Variants in ATP8B4 observed in about 807,000 individuals in gnomAD.
ATP8B4 encodes probable phospholipid-transporting ATPase IM.
In ATP8B4, 133 loss-of-function variants were observed where a neutral mutation model predicts 145.6. That is an observed-to-expected ratio of 0.91 (90% CI 0.79 to 1.05). The LOEUF is 1.05. ATP8B4 is among the 50% of genes least tolerant of loss of function. The probability of loss-of-function intolerance (pLI) is 0.00; values close to 1 mark genes in which losing one functional copy is unlikely to be tolerated. For synonymous variants in ATP8B4, 507 were observed against 492.9 expected (o/e 1.03, Z -0.38); for missense variants, 1,458 against 1,425.2 (o/e 1.02, Z -0.37).
At chr15:49,997,089 G>A (rs1315350392) in intron 8 of ATP8B4, among the ~76,000 whole-genome samples, 2 of 152,100 alleles carry the variant, frequency 1.3e-5, no homozygotes, top group African/African-American at 4.8e-5. Context: ...TTCAGAATTG[G>A]AACACAGTTG....
At chr15:50,104,682 A>G (rs2056571064) in intron 2 of ATP8B4, among the ~76,000 whole-genome samples, 1 of 152,146 alleles carries the variant, frequency 6.6e-6, no homozygotes, top group African/African-American at 2.4e-5. Flanking sequence ...CTGAAGAACT[A>G]AAAGTAGATC....
At chr15:49,997,764 A>G (rs748125553) in intron 8 of ATP8B4, among the ~76,000 whole-genome samples, 3 of 152,142 alleles carry the variant, frequency 2.0e-5, no homozygotes, top group Non-Finnish European at 2.9e-5. Context: ...GTAGGACAAT[A>G]TGAGTCCAAC....
chr15:50,174,164 A>G (rs1193433281), intron 1 of ATP8B4, among the ~76,000 whole-genome samples: 5 of 152,224 alleles, frequency 3.3e-5, no homozygotes, highest in Non-Finnish European at 7.3e-5. Context: ...AAAGCCATCT[A>G]TGACAAACCC....
At chr15:49,890,049 C>T (rs903046566) in intron 23 of ATP8B4, among the ~76,000 whole-genome samples, 5 of 152,132 alleles carry the variant, frequency 3.3e-5, no homozygotes, top group African/African-American at 1.2e-4. Context: ...TGGGATTTTT[C>T]AACATTTGTT....
At position 49,916,193 on chromosome 15, in the gene ATP8B4, G is replaced by A. The variant is rs184148217; in HGVS notation, c.2141+741C>T. ...AAAATATTTTTGTAGATTTTTAAACGTTCTTCTCCAAATAAAGTAACAAGA... is the reference window on the plus strand; with the variant it reads ...AAAATATTTTTGTAGATTTTTAAACATTCTTCTCCAAATAAAGTAACAAGA... On this transcript the variant is annotated intron_variant, in intron 20 of 27. Coordinates refer to ENST00000284509, the MANE Select transcript of ATP8B4 (RefSeq NM_024837.4). Among the ~76,000 whole-genome samples, 26 of 152,050 alleles carry A rather than the reference G, an allele frequency of 1.7e-4. No individual in the cohort carries two copies. In the East Asian group the frequency reaches 4.8e-3, roughly 28 times the overall value.
intron 8 of ATP8B4, among the ~76,000 whole-genome samples, chr15:50,000,184 A>G (rs2047769538): frequency 6.6e-6 from 1 of 152,184 alleles, no homozygotes; most frequent in African/African-American, 2.4e-5. Context: ...TTGTACAAAC[A>G]TGTCTTCATT....
At chr15:50,021,313 A>T (rs547100707) in intron 6 of ATP8B4, among the ~76,000 whole-genome samples, 2 of 152,362 alleles carry the variant, frequency 1.3e-5, no homozygotes, top group South Asian at 4.1e-4. Flanking sequence ...CACAGAAGCC[A>T]GCGAAATCTT....
intron 1 of ATP8B4, among the ~76,000 whole-genome samples, chr15:50,158,830 T>C (rs1005190315): frequency 1.3e-5 from 2 of 152,120 alleles, no homozygotes; most frequent in Non-Finnish European, 2.9e-5. Context: ...CTCTGAAACA[T>C]GTGCTGTGCC....
chr15:49,880,531 A>G (rs2035220872), intron 23 of ATP8B4: 1 of 152,206 alleles, frequency 6.6e-6, no homozygotes, highest in Admixed American at 6.5e-5. Context: ...AAAGTAGAAG[A>G]CATTAGAGGA....
At chr15:50,018,011 G>A (rs112781530) in intron 6 of ATP8B4, among the ~76,000 whole-genome samples, 11,930 of 132,912 alleles carry the variant, frequency 0.09, 689 homozygotes, top group East Asian at 0.31. Context: ...TTTTTGAAAC[G>A]GAGTCTCACT....
chr15:50,032,927 A>G (rs553647086), intron 6 of ATP8B4, among the ~76,000 whole-genome samples: 2 of 152,324 alleles, frequency 1.3e-5, no homozygotes, highest in South Asian at 4.1e-4. Context: ...CTTAATGAAT[A>G]TATGCTGCTT....
chr15:49,871,169 AG>A (rs1428629509), intron 25 of ATP8B4, among the ~76,000 whole-genome samples: 8 of 152,242 alleles, frequency 5.3e-5, no homozygotes, highest in Admixed American at 2.0e-4. Context: ...CTTCTTGTTA[AG>A]TCTGTTTTCT....
At chr15:49,916,882 T>C (rs2039790876) in intron 20 of ATP8B4, 52 bp downstream of exon 20, 1 of 1,507,070 alleles carries the variant, frequency 6.6e-7, no homozygotes. Context: ...TGATCTTTTT[T>C]CCCTCCCTCC....
At chr15:50,125,027 T>A (rs1416536751) in intron 1 of ATP8B4, among the ~76,000 whole-genome samples, 3 of 152,202 alleles carry the variant, frequency 2.0e-5, no homozygotes, top group Non-Finnish European at 4.4e-5. Flanking sequence ...AAATAATGTA[T>A]CTCTTGCTAT....
At chr15:49,898,017 A>C in intron 22 of ATP8B4, 51 bp downstream of exon 22, 1 of 1,587,638 alleles carries the variant, frequency 6.3e-7, no homozygotes, top group Non-Finnish European at 8.6e-7. Context: ...AAATGCTGAA[A>C]CTGAGGACCC....
chr15:50,048,705 C>CA (rs34007897), intron 3 of ATP8B4, among the ~76,000 whole-genome samples: 12,076 of 117,620 alleles, frequency 0.1, 530 homozygotes, highest in East Asian at 0.16. Flanking sequence ...AAGACTCTGC[C>CA]AAAAAAAAAA....
intron 1 of ATP8B4, among the ~76,000 whole-genome samples, chr15:50,157,082 G>T (rs2044430927): frequency 6.6e-6 from 1 of 152,010 alleles, no homozygotes; most frequent in Non-Finnish European, 1.5e-5. Flanking sequence ...TATTAAATTA[G>T]GCACAGAGAA....
At chr15:50,110,124 T>C (rs1053732903) in intron 1 of ATP8B4, among the ~76,000 whole-genome samples, 1 of 152,258 alleles carries the variant, frequency 6.6e-6, no homozygotes, top group Admixed American at 6.5e-5. Flanking sequence ...TCTGTCACGG[T>C]AATTATATAA....
upstream of ATP8B4, among the ~76,000 whole-genome samples, chr15:50,119,643 C>T (rs11853852): frequency 0.48 from 72,440 of 151,740 alleles, 17,772 homozygotes; most frequent in Middle Eastern, 0.58. Context: ...GGCTACCAGG[C>T]CTACTTACCA....
Sources: gnomAD v4.1 joint callset for allele counts (sites outside exome capture counted in the v4.1 genomes callset) on GRCh38, gnomAD v4.1.1 for gene constraint, MANE v1.5 for transcripts, NCBI Gene and HGNC (gene_info 2026-07-23, HGNC 2026-07-21) for gene names.